PTPRT: variants seen among roughly 807,000 people sequenced by gnomAD.
PTPRT encodes protein tyrosine phosphatase receptor type T, also known as receptor-type tyrosine-protein phosphatase T.
In PTPRT, 56 loss-of-function variants were observed where a neutral mutation model predicts 176.8. That is an observed-to-expected ratio of 0.32 (90% CI 0.26 to 0.40). PTPRT has a LOEUF of 0.40. PTPRT is among the 10% of genes least tolerant of loss of function. The pLI is 1.00. For synonymous variants in PTPRT, 783 were observed against 739.0 expected (o/e 1.06, Z -0.96); for missense variants, 1,540 against 1,908.2 (o/e 0.81, Z 3.60).
chr20:43,167,192 G>C (rs1165510562), intron 1 of PTPRT, among the ~76,000 whole-genome samples: 1 of 152,142 alleles, frequency 6.6e-6, no homozygotes, highest in Non-Finnish European at 1.5e-5. Flanking sequence ...TACAACTCTG[G>C]CTCCCTCAAC....
chr20:42,096,756 A>AATTTTTTTTTTTTTTTTTTTT, intron 27 of PTPRT, among the ~76,000 whole-genome samples: 1 of 118,866 alleles, frequency 8.4e-6, no homozygotes, highest in Non-Finnish European at 1.7e-5. Context: ...GCTAATTAAA[A>AATTTTTTTTTTTTTTTTTTTT]TTTTTTTTTT....
At chr20:42,316,341 C>A (rs1272369076) in intron 11 of PTPRT, among the ~76,000 whole-genome samples, 2 of 152,162 alleles carry the variant, frequency 1.3e-5, no homozygotes, top group Non-Finnish European at 2.9e-5. Flanking sequence ...CAGTTCTTAA[C>A]TCCTTCGTTC....
chr20:42,724,731 A>G (rs1285545383), intron 6 of PTPRT, among the ~76,000 whole-genome samples: 1 of 152,172 alleles, frequency 6.6e-6, no homozygotes, highest in Non-Finnish European at 1.5e-5. Context: ...CCAGGAGCTC[A>G]AGGCTGCAGT....
At chr20:43,177,691 T>A (rs546674673) in intron 1 of PTPRT, among the ~76,000 whole-genome samples, 1 of 152,204 alleles carries the variant, frequency 6.6e-6, no homozygotes, top group African/African-American at 2.4e-5. Flanking sequence ...TTTAAATATA[T>A]GTTAAATATT....
At position 42,080,402 on chromosome 20, in the gene PTPRT, A is replaced by T; in HGVS notation, c.*477T>A. ...GTCTGGTGCCAGAGGCCCCTGAAGG[A>T]GGTTGCAGGGGGCAGCAGAGCAGTG... On this transcript the variant is annotated 3_prime_UTR_variant, in exon 31 of 31. Coordinates refer to ENST00000373187, the MANE Select transcript of PTPRT (RefSeq NM_007050.6). 1 of 233,750 alleles carries T rather than the reference A, an allele frequency of 4.3e-6. No homozygotes were observed. The highest frequency in any genetic ancestry group is 8.4e-6 in the Non-Finnish European group (1 of 118,628). 14.5% of individuals were successfully genotyped at this position (233,750 alleles called of 1,614,324 possible).
At chr20:42,962,451 C>CA (rs138209887) in intron 1 of PTPRT, among the ~76,000 whole-genome samples, 3,935 of 144,454 alleles carry the variant, frequency 0.027, 152 homozygotes, top group African/African-American at 0.079. Context: ...ACCTAAATTA[C>CA]AAAAAAAAAA....
chr20:42,906,271 T>G (rs1232516447), intron 1 of PTPRT, among the ~76,000 whole-genome samples: 1 of 152,098 alleles, frequency 6.6e-6, no homozygotes, highest in Non-Finnish European at 1.5e-5. Flanking sequence ...CAGCAGATGC[T>G]GGAGGCTGAC....
intron 1 of PTPRT, among the ~76,000 whole-genome samples, chr20:43,005,227 C>T (rs562235942): frequency 2.0e-5 from 3 of 152,234 alleles, no homozygotes; most frequent in African/African-American, 7.2e-5. Context: ...AAGGTAAGGT[C>T]CCGATTCTAA....
chr20:42,610,764 T>C (rs547115304), intron 7 of PTPRT, among the ~76,000 whole-genome samples: 19 of 152,360 alleles, frequency 1.2e-4, no homozygotes, highest in Admixed American at 1.0e-3. Context: ...TTATCGTATA[T>C]TCACATAGTT....
chr20:42,306,971 G>A (rs1457767379), intron 12 of PTPRT, among the ~76,000 whole-genome samples: 1 of 152,164 alleles, frequency 6.6e-6, no homozygotes, highest in Non-Finnish European at 1.5e-5. Flanking sequence ...CTTAATATCT[G>A]AGACACAGCA....
At chr20:42,718,133 T>C (rs1455087311) in intron 6 of PTPRT, among the ~76,000 whole-genome samples, 1 of 152,224 alleles carries the variant, frequency 6.6e-6, no homozygotes, top group East Asian at 1.9e-4. Context: ...ACGTACAGAA[T>C]ATTTACAGTC....
At chr20:42,952,905 C>T (rs988776789) in intron 1 of PTPRT, among the ~76,000 whole-genome samples, 2 of 152,046 alleles carry the variant, frequency 1.3e-5, no homozygotes, top group African/African-American at 2.4e-5. Context: ...ATAAATGAGA[C>T]GGTGGATTCT....
At chr20:42,459,402 T>C (rs371593505) in intron 8 of PTPRT, among the ~76,000 whole-genome samples, 6 of 152,282 alleles carry the variant, frequency 3.9e-5, no homozygotes, top group East Asian at 1.9e-4. Flanking sequence ...TATGATTTGC[T>C]TCATGATTTA....
At chr20:42,188,148 T>C (rs930574119) in intron 16 of PTPRT, among the ~76,000 whole-genome samples, 1 of 152,216 alleles carries the variant, frequency 6.6e-6, no homozygotes, top group African/African-American at 2.4e-5. Flanking sequence ...GCTTCAAATC[T>C]GGCCCCTTCC....
chr20:42,731,354 A>C (rs776156870), intron 6 of PTPRT, among the ~76,000 whole-genome samples: 3 of 152,208 alleles, frequency 2.0e-5, no homozygotes, highest in Non-Finnish European at 4.4e-5. Flanking sequence ...TCCTTGTGCT[A>C]AATGCTTCCA....
intron 18 of PTPRT, among the ~76,000 whole-genome samples, chr20:42,137,017 T>C (rs1988411131): frequency 6.6e-6 from 1 of 152,218 alleles, no homozygotes; most frequent in South Asian, 2.1e-4. Context: ...TTCTGGCTCT[T>C]TGGGCCTGCC....
intron 7 of PTPRT, among the ~76,000 whole-genome samples, chr20:42,658,432 TA>T (rs2075165132): frequency 6.6e-6 from 1 of 152,182 alleles, no homozygotes; most frequent in Non-Finnish European, 1.5e-5. Flanking sequence ...GGGGGCCACT[TA>T]AAGCAGCAAA....
At chr20:42,755,488 A>G (rs186369728) in intron 6 of PTPRT, among the ~76,000 whole-genome samples, 2 of 152,186 alleles carry the variant, frequency 1.3e-5, no homozygotes, top group Admixed American at 6.5e-5. Context: ...AAATTATGCT[A>G]TATTAAAATT....
At chr20:42,894,840 C>T (rs185700658) in intron 1 of PTPRT, among the ~76,000 whole-genome samples, 85 of 152,234 alleles carry the variant, frequency 5.6e-4, no homozygotes, top group African/African-American at 2.0e-3. Flanking sequence ...CACCTCATAA[C>T]GGAGGCCATA....
Sources: gnomAD v4.1 joint callset for allele counts (sites outside exome capture counted in the v4.1 genomes callset) on GRCh38, gnomAD v4.1.1 for gene constraint, MANE v1.5 for transcripts, NCBI Gene and HGNC (gene_info 2026-07-23, HGNC 2026-07-21) for gene names.